CIMIP5: variants seen among roughly 807,000 people sequenced by gnomAD.
CIMIP5 encodes ciliary microtubule inner protein 5, also known as uncharacterized protein C2orf50.
the CIMIP5 span, among the ~76,000 whole-genome samples, chr2:11,134,982 C>T: frequency 2.6e-5 from 4 of 152,110 alleles, no homozygotes; most frequent in Admixed American, 2.6e-4. Context: ...GAGGAGCAGG[C>T]ATGTCACATG....
At chr2:11,152,276 A>C in the CIMIP5 span, among the ~76,000 whole-genome samples, 2 of 152,254 alleles carry the variant, frequency 1.3e-5, no homozygotes, top group African/African-American at 4.8e-5. Flanking sequence ...CTAATTTGTT[A>C]GTCCTACAAA....
At chr2:11,133,586 G>A in the CIMIP5 span, 3 of 1,598,710 alleles carry the variant, frequency 1.9e-6, no homozygotes, top group Non-Finnish European at 1.7e-6. Context: ...GGGGCCAGCA[G>A]CGCTGGTGAG....
the CIMIP5 span, among the ~76,000 whole-genome samples, chr2:11,142,983 C>A: frequency 6.6e-6 from 1 of 152,274 alleles, no homozygotes; most frequent in East Asian, 1.9e-4. Flanking sequence ...GGATTAAAGG[C>A]AAGAGCCATG....
chr2:11,137,094 C>T, the CIMIP5 span, among the ~76,000 whole-genome samples: 1 of 152,154 alleles, frequency 6.6e-6, no homozygotes. Context: ...AACAAGAGGT[C>T]GGGCACAATC....
At chr2:11,149,282 C>T in the CIMIP5 span, among the ~76,000 whole-genome samples, 9 of 149,808 alleles carry the variant, frequency 6.0e-5, no homozygotes, top group African/African-American at 1.7e-4. Flanking sequence ...CTGAGGACAA[C>T]GCTACCTACT....
chr2:11,134,403 T>A, the CIMIP5 span, among the ~76,000 whole-genome samples: 1 of 152,194 alleles, frequency 6.6e-6, no homozygotes, highest in Non-Finnish European at 1.5e-5. Context: ...ATTACATTTT[T>A]AAGTGAGCAG....
the CIMIP5 span, among the ~76,000 whole-genome samples, chr2:11,142,464 G>A: frequency 5.3e-5 from 8 of 152,170 alleles, no homozygotes; most frequent in East Asian, 1.9e-4. Context: ...CTGATATCCC[G>A]ACCTGTGCAT....
At chr2:11,136,914 C>T in the CIMIP5 span, among the ~76,000 whole-genome samples, 2 of 152,256 alleles carry the variant, frequency 1.3e-5, no homozygotes, top group South Asian at 4.1e-4. Flanking sequence ...TGCCAGGAAA[C>T]ACCAGAGAAG....
the CIMIP5 span, among the ~76,000 whole-genome samples, chr2:11,142,322 A>G: frequency 0.17 from 25,969 of 150,900 alleles, 6,572 homozygotes; most frequent in African/African-American, 0.56. Flanking sequence ...GATGAGCAAT[A>G]TGGAAAGTCA....
chr2:11,142,540 A>G, the CIMIP5 span, among the ~76,000 whole-genome samples: 1 of 152,084 alleles, frequency 6.6e-6, no homozygotes, highest in African/African-American at 2.4e-5. Context: ...CAACCTGACT[A>G]CTGAAATCTG....
chr2:11,147,504 T>G, the CIMIP5 span, among the ~76,000 whole-genome samples: 1 of 152,174 alleles, frequency 6.6e-6, no homozygotes, highest in Non-Finnish European at 1.5e-5. Context: ...CAGGTCTGCA[T>G]GTAGCTGGGG....
At chr2:11,133,418 C>T in the CIMIP5 span, 3 of 1,611,562 alleles carry the variant, frequency 1.9e-6, no homozygotes, top group South Asian at 1.1e-5. Flanking sequence ...CAGCCTCGGT[C>T]TCCCCAGCTG....
chr2:11,143,075 T>C, the CIMIP5 span, among the ~76,000 whole-genome samples: 12 of 152,130 alleles, frequency 7.9e-5, no homozygotes, highest in Non-Finnish European at 1.6e-4. Context: ...CGTTCACATA[T>C]GGCCAAAACA....
At chr2:11,148,132 T>C in the CIMIP5 span, among the ~76,000 whole-genome samples, 535 of 151,458 alleles carry the variant, frequency 3.5e-3, 2 homozygotes, top group African/African-American at 0.012. Context: ...TTTTTTTTTT[T>C]GAGATGGAGT....
the CIMIP5 span, among the ~76,000 whole-genome samples, chr2:11,148,648 ATAACAT>A: frequency 2.0e-5 from 3 of 151,972 alleles, no homozygotes; most frequent in Non-Finnish European, 4.4e-5. Context: ...GCCCCACCAA[ATAACAT>A]TAATAATAAT....
chr2:11,142,270 A>C, the CIMIP5 span, among the ~76,000 whole-genome samples: 1 of 150,780 alleles, frequency 6.6e-6, no homozygotes, highest in Admixed American at 6.6e-5. Context: ...CAGTCTCAAA[A>C]AAAAAAAAAA....
the CIMIP5 span, among the ~76,000 whole-genome samples, chr2:11,135,126 C>T: frequency 2.0e-5 from 3 of 152,284 alleles, no homozygotes; most frequent in South Asian, 4.1e-4. Flanking sequence ...CGAAGCCATT[C>T]GTGACCCAAA....
chr2:11,148,119 T>A, the CIMIP5 span, among the ~76,000 whole-genome samples: 2 of 102,076 alleles, frequency 2.0e-5, no homozygotes, highest in Non-Finnish European at 3.3e-5. Flanking sequence ...TTGCTTCACA[T>A]TTTTTTTTTT....
chr2:11,136,329 G>A, the CIMIP5 span, among the ~76,000 whole-genome samples: 3 of 152,200 alleles, frequency 2.0e-5, 1 homozygote, highest in South Asian at 4.1e-4. Context: ...AATTAACAGA[G>A]TGAAAAGGCA....
Sources: allele counts gnomAD v4.1 joint callset (sites outside exome capture counted in the v4.1 genomes callset), GRCh38; gene constraint gnomAD v4.1.1; transcripts MANE v1.5; gene names NCBI Gene and HGNC (gene_info 2026-07-23, HGNC 2026-07-21).